TRPV5: variants seen among roughly 807,000 people sequenced by gnomAD.
TRPV5 encodes transient receptor potential cation channel subfamily V member 5, also known as calcium transport protein 2.
A neutral mutation model predicts 74.1 loss-of-function variants in TRPV5; 66 were observed. The observed-to-expected ratio is 0.89, with a 90% CI of 0.73 to 1.09. The LOEUF is 1.09. Among genes scored for constraint, TRPV5 ranks in the 50% least tolerant of loss-of-function variants. The pLI is 0.00. For synonymous variants in TRPV5, 399 were observed against 360.7 expected, an observed-to-expected ratio of 1.11 and a Z score of -1.20; for missense variants, 936 against 930.4, an observed-to-expected ratio of 1.01 and a Z score of -0.08.
In TRPV5 at chr7:142,930,399, G is replaced by GAC; in HGVS notation, c.174_175dup (p.Ser59CysfsTer28). The GAC allele has an allele frequency of 3.1e-6, 5 of 1,614,192 alleles. No homozygotes were observed. Among genetic ancestry groups the GAC allele is most frequent in the Non-Finnish European group, 4.2e-6 (5 of 1,180,038 alleles). ...GTCCAGTAGAAGTTGCCTAAGAACAGACAGGTCATTTTCCTTGGATGCTCG... is the reference window on the plus strand; with the variant it reads ...GTCCAGTAGAAGTTGCCTAAGAACAGACACAGGTCATTTTCCTTGGATGCTCG... On this transcript the variant is annotated frameshift_variant, in exon 2 of 15. Coordinates refer to ENST00000265310, the MANE Select transcript of TRPV5 (RefSeq NM_019841.7). LOFTEE classifies it high-confidence loss of function.
At chr7:142,915,190 C>T in intron 10 of TRPV5, 117 bp downstream of exon 10, 1 of 1,519,260 alleles carries the variant, frequency 6.6e-7, no homozygotes. Context: ...TACAAGTCCA[C>T]TGGAGAGAAG....
chr7:142,933,424 C>A lies in TRPV5; in HGVS notation c.36G>T (p.Gly12=). 1 of 1,614,118 alleles carries A rather than the reference C, an allele frequency of 6.2e-7. No homozygotes were observed. Residue 12 remains glycine (G), a synonymous_variant, in exon 1 of 15, where the codon GGG becomes GGT. Coordinates refer to ENST00000265310, the MANE Select transcript of TRPV5 (RefSeq NM_019841.7). ...AGGGCAGAAGTTTCTGGAGTTGGCT[C>A]CCGGGCCCTTCTGCCTTAGGTAGAA... ...GGFLPKAEGP[G]SQLQKLLPSF... is the part of the protein sequence containing the mutation.
intron 8 of TRPV5, among the ~76,000 whole-genome samples, chr7:142,920,160 C>A (rs1461478712): frequency 6.6e-6 from 1 of 152,126 alleles, no homozygotes; most frequent in Admixed American, 6.6e-5. Context: ...AAGTTGAGAA[C>A]CGCTGGGCCA....
chr7:142,916,409 A>G (rs1286990313), intron 8 of TRPV5, among the ~76,000 whole-genome samples: 2 of 152,258 alleles, frequency 1.3e-5, no homozygotes, highest in Non-Finnish European at 2.9e-5. Context: ...AGAATCCTAC[A>G]TTAATTATCC....
At chr7:142,910,860 T>C (rs1201212603) in intron 13 of TRPV5, among the ~76,000 whole-genome samples, 1 of 152,152 alleles carries the variant, frequency 6.6e-6, no homozygotes, top group Non-Finnish European at 1.5e-5. Flanking sequence ...GTGCATTGGT[T>C]TGAGTGGACT....
At chr7:142,921,285 A>C (rs1380387363) in intron 8 of TRPV5, among the ~76,000 whole-genome samples, 1 of 152,032 alleles carries the variant, frequency 6.6e-6, no homozygotes, top group Non-Finnish European at 1.5e-5. Context: ...CCATTTTTTT[A>C]AATTTATTTA....
intron 8 of TRPV5, among the ~76,000 whole-genome samples, chr7:142,924,216 CTG>C (rs1795929022): frequency 7.2e-6 from 1 of 139,574 alleles, no homozygotes; most frequent in African/African-American, 2.7e-5. Context: ...ACATGACACA[CTG>C]TATATATATA....
intron 14 of TRPV5, among the ~76,000 whole-genome samples, chr7:142,909,143 T>A (rs1480657129): frequency 6.6e-6 from 1 of 151,918 alleles, no homozygotes; most frequent in Non-Finnish European, 1.5e-5. Context: ...GAGATGCAAT[T>A]CAGGAAGTAA....
At position 142,908,602 on chromosome 7, in the gene TRPV5, C is replaced by G. The variant is rs754866552; in HGVS notation, c.2102G>C (p.Trp701Ser). 2.1e-5 allele frequency: 34 copies of G among 1,614,122 alleles called. No homozygotes were observed. In the Admixed American group the frequency reaches 5.7e-4, roughly 27 times the overall value. The change falls in exon 15 of 15, where the codon TGG (tryptophan) becomes TCG (serine). Residue 701 changes from tryptophan to serine, a missense_variant. Transcript: ENST00000265310. ...TASQSSSHRG[W>S]EILRQNTLGH... ...CAGGGTGTTTTGACGAAGGATCTCC[C>G]AGCCTCGGTGACTGCTGCTCTGGGA...
intron 8 of TRPV5, among the ~76,000 whole-genome samples, chr7:142,919,840 G>A (rs1328172017): frequency 6.6e-6 from 1 of 152,230 alleles, no homozygotes; most frequent in Non-Finnish European, 1.5e-5. Flanking sequence ...AAAGGATGGG[G>A]AACATAGGCC....
Position 142,914,665 on chromosome 7 carries a change from A to T in TRPV5, c.1494T>A (p.Ala498=), listed in dbSNP as rs1186769130. ...GDLMRFCWLM[A]VVILGFASAF... ...CGGAGGCAAATCCCAAGATGACCAC[A>T]GCCATCAGCCAGCAGAAACGCATTA... Residue 498 remains alanine, a synonymous_variant, in exon 12 of 15, where the codon GCT becomes GCA. Coordinates refer to ENST00000265310, the MANE Select transcript of TRPV5 (RefSeq NM_019841.7). The T allele has an allele frequency of 6.2e-7, 1 of 1,613,736 alleles. No individual in the cohort carries two copies. The highest frequency in any genetic ancestry group is 2.2e-5 in the East Asian group (1 of 44,892).
In TRPV5 at chr7:142,928,156, T is replaced by C; in HGVS notation, c.841A>G (p.Thr281Ala). 6.2e-7 allele frequency: 1 copy of C among 1,613,508 alleles called. No individual in the cohort carries two copies. Among genetic ancestry groups the C allele is most frequent in the Non-Finnish European group, 8.5e-7 (1 of 1,179,440 alleles). The change falls in exon 7 of 15, where the codon ACG becomes GCG. Residue 281 changes from threonine (T) to alanine (A), a missense_variant. By Grantham distance (58) the Thr-to-Ala change is moderately conservative (BLOSUM62 0). Coordinates refer to ENST00000265310, the MANE Select transcript of TRPV5 (RefSeq NM_019841.7). Reference protein sequence around the residue: ...GPLTSILYDLTEIDSWGEELS... With the variant: ...GPLTSILYDLAEIDSWGEELS... ...TCCTCTCCCCAGGAGTCGATCTCCG[T>C]GAGGTCGTAGAGAATGGAGGTCAGG...
intron 12 of TRPV5, among the ~76,000 whole-genome samples, chr7:142,913,162 G>T (rs1795731408): frequency 6.6e-6 from 1 of 152,298 alleles, no homozygotes; most frequent in Non-Finnish European, 1.5e-5. Context: ...TTAAAGAACA[G>T]AACACATGAA....
chr7:142,925,396 T>C, intron 8 of TRPV5, 133 bp downstream of exon 8: 1 of 842,022 alleles, frequency 1.2e-6, no homozygotes, highest in Non-Finnish European at 1.9e-6. Flanking sequence ...ATGTCTAATT[T>C]CTACCTGGGT....
At chr7:142,928,635 C>A in intron 6 of TRPV5, 56 bp downstream of exon 6, 1 of 1,556,670 alleles carries the variant, frequency 6.4e-7, no homozygotes. Context: ...CCAGGGCCAG[C>A]AGGATAGGTT....
chr7:142,928,559 C>A lies in TRPV5; in HGVS notation c.762+132G>T, dbSNP rs913517018. The A allele has an allele frequency of 9.4e-6, 12 of 1,282,196 alleles. No homozygotes were observed. In the African/African-American group the frequency reaches 1.4e-4, roughly 15 times the overall value. 79.4% of individuals were successfully genotyped at this position (1,282,196 alleles called of 1,614,324 possible). A position where few individuals can be genotyped will look rare whatever the true frequency, so the allele number is the denominator to read the frequency against. ...GATGGAATAGGAAGCAAGGGACCAC[C>A]ATCCCTTTGGGGAGTTTGGGGAAAA... On this transcript the variant is annotated intron_variant, in intron 6 of 14. Coordinates refer to ENST00000265310, the MANE Select transcript of TRPV5 (RefSeq NM_019841.7).
intron 13 of TRPV5, among the ~76,000 whole-genome samples, chr7:142,910,374 T>A (rs1795684334): frequency 6.6e-6 from 1 of 152,158 alleles, no homozygotes; most frequent in Non-Finnish European, 1.5e-5. Flanking sequence ...AAGGGCCATT[T>A]GTATATTTGC....
At chr7:142,928,618 A>G in intron 6 of TRPV5, 73 bp downstream of exon 6, 2 of 1,516,716 alleles carry the variant, frequency 1.3e-6, no homozygotes, top group East Asian at 2.4e-5. Flanking sequence ...CTTCACCTCT[A>G]TTTCTCCCAG....
chr7:142,929,558 A>G lies in TRPV5; in HGVS notation c.357T>C (p.Thr119=), dbSNP rs373723055. Residue 119 remains threonine (T), a synonymous_variant, in exon 4 of 15, where the codon ACT becomes ACC. Transcript: ENST00000265310. ...PTTCEAFAGQ[T]ALHIAVVNQN... Reference sequence around the variant, plus strand: ...GGTTCACAACAGCGATGTGCAGTGCAGTCTGACCTGGCCCAGAGACAGCCA... The same window carrying G: ...GGTTCACAACAGCGATGTGCAGTGCGGTCTGACCTGGCCCAGAGACAGCCA... 1.9e-6 allele frequency: 3 copies of G among 1,613,308 alleles called. No individual in the cohort carries two copies. The African/African-American group carries it at 4.0e-5, about 22-fold the overall frequency.
Sources: gnomAD v4.1 joint callset for allele counts (sites outside exome capture counted in the v4.1 genomes callset) on GRCh38, gnomAD v4.1.1 for gene constraint, MANE v1.5 for transcripts, NCBI Gene and HGNC (gene_info 2026-07-23, HGNC 2026-07-21) for gene names.